The following MYO1D variants were observed in gnomAD, a reference collection of about 807,000 sequenced individuals.
MYO1D encodes unconventional myosin-Id.
In MYO1D, 83 loss-of-function variants were observed where a neutral mutation model predicts 122.0. The ratio of observed to expected loss-of-function variants is 0.68; its 90% CI spans 0.57 to 0.82. MYO1D has a LOEUF of 0.82. MYO1D is among the 40% of genes least tolerant of loss of function. The pLI, the probability that MYO1D is intolerant of heterozygous loss-of-function variation, is 0.00. For synonymous variants in MYO1D, 464 were observed against 446.9 expected (o/e 1.04, Z -0.48); for missense variants, 1,157 against 1,269.5 (o/e 0.91, Z 1.35).
At chr17:32,824,220 A>G (rs1217397604) in intron 1 of MYO1D, among the ~76,000 whole-genome samples, 1 of 152,228 alleles carries the variant, frequency 6.6e-6, no homozygotes, top group Non-Finnish European at 1.5e-5. Context: ...ATCAAATTAT[A>G]TGCTGAACAC....
intron 1 of MYO1D, among the ~76,000 whole-genome samples, chr17:32,829,310 C>A (rs1044290659): frequency 6.6e-6 from 1 of 152,190 alleles, no homozygotes; most frequent in Non-Finnish European, 1.5e-5. Context: ...AAGTCATTTT[C>A]AAGTGGTGGA....
intron 1 of MYO1D, among the ~76,000 whole-genome samples, chr17:32,784,442 T>C (rs924349021): frequency 6.6e-6 from 1 of 152,120 alleles, no homozygotes; most frequent in Non-Finnish European, 1.5e-5. Flanking sequence ...CTTTGCTCTG[T>C]TACCTTTTTT....
chr17:32,568,105 T>C (rs1397375496), intron 21 of MYO1D, among the ~76,000 whole-genome samples: 1 of 151,138 alleles, frequency 6.6e-6, no homozygotes, highest in African/African-American at 2.4e-5. Flanking sequence ...TCTGCAACAT[T>C]AAGTCCTTTT....
intron 21 of MYO1D, among the ~76,000 whole-genome samples, chr17:32,551,556 CCACACACACACACACA>C (rs56031542): frequency 6.7e-6 from 1 of 150,342 alleles, no homozygotes; most frequent in Admixed American, 6.6e-5. Context: ...CATCCCACTG[CCACACACACACACACA>C]CACACACACA....
intron 12 of MYO1D, among the ~76,000 whole-genome samples, chr17:32,747,697 C>T (rs1310590184): frequency 6.6e-6 from 1 of 151,914 alleles, no homozygotes. Flanking sequence ...ATTAGCCAGG[C>T]GTGGTGGTAT....
At chr17:32,659,061 T>C in intron 17 of MYO1D, 54 bp downstream of exon 17, 8 of 1,470,470 alleles carry the variant, frequency 5.4e-6, no homozygotes, top group Admixed American at 3.4e-5. Flanking sequence ...TGACTTTGCA[T>C]AGTATTAACT....
At chr17:32,830,858 G>C (rs189354635) in intron 1 of MYO1D, among the ~76,000 whole-genome samples, 1 of 152,164 alleles carries the variant, frequency 6.6e-6, no homozygotes, top group Admixed American at 6.5e-5. Context: ...AGGAGATGGA[G>C]ACCAACCTGT....
intron 21 of MYO1D, among the ~76,000 whole-genome samples, chr17:32,565,407 C>T (rs531301717): frequency 1.3e-5 from 2 of 152,286 alleles, no homozygotes; most frequent in Admixed American, 6.5e-5. Flanking sequence ...GATGCAGCTC[C>T]CACCTCCATC....
chr17:32,693,337 G>C (rs2089129103), intron 16 of MYO1D, among the ~76,000 whole-genome samples: 1 of 149,436 alleles, frequency 6.7e-6, no homozygotes, highest in Non-Finnish European at 1.5e-5. Context: ...TGGGTTATGA[G>C]TGACAAGTCT....
intron 21 of MYO1D, 114 bp from the exon 22 acceptor site, chr17:32,495,029 T>C: frequency 7.7e-7 from 1 of 1,300,406 alleles, no homozygotes. Flanking sequence ...CCTCCACAAG[T>C]GCCAGGAGGA....
intron 1 of MYO1D, among the ~76,000 whole-genome samples, chr17:32,840,540 A>G (rs2090870636): frequency 6.6e-6 from 1 of 152,200 alleles, no homozygotes; most frequent in African/African-American, 2.4e-5. Flanking sequence ...CACTGCTTGT[A>G]AAGAACTAAG....
intron 21 of MYO1D, among the ~76,000 whole-genome samples, chr17:32,547,075 A>ATT (rs71144837): frequency 0.031 from 4,563 of 148,108 alleles, 86 homozygotes; most frequent in Non-Finnish European, 0.046. Flanking sequence ...CTAATTAAAC[A>ATT]TTTTTTTTTT....
chr17:32,777,686 C>T (rs2090189128), intron 3 of MYO1D, among the ~76,000 whole-genome samples: 1 of 152,110 alleles, frequency 6.6e-6, no homozygotes, highest in Admixed American at 6.5e-5. Context: ...TGGCACATGC[C>T]TGTAATCCTA....
chr17:32,855,748 G>A (rs541456551), intron 1 of MYO1D, among the ~76,000 whole-genome samples: 2 of 152,214 alleles, frequency 1.3e-5, no homozygotes, highest in East Asian at 3.9e-4. Context: ...ATCAAAATAG[G>A]TCTGTAGAAG....
intron 1 of MYO1D, among the ~76,000 whole-genome samples, chr17:32,868,918 A>G (rs1420729824): frequency 6.6e-6 from 1 of 152,114 alleles, no homozygotes; most frequent in Non-Finnish European, 1.5e-5. Context: ...GTTCTATTCA[A>G]GAGATCTTGG....
chr17:32,778,374 T>C (rs2090200260), intron 3 of MYO1D, 106 bp downstream of exon 3: 3 of 969,344 alleles, frequency 3.1e-6, no homozygotes, highest in Non-Finnish European at 1.6e-6. Context: ...GCTCAGCCCA[T>C]AGGTTTAGAC....
chr17:32,746,576 G>A (rs566486548), intron 12 of MYO1D, among the ~76,000 whole-genome samples: 55 of 152,092 alleles, frequency 3.6e-4, no homozygotes, highest in African/African-American at 9.9e-4. Context: ...GTATATATGC[G>A]TGTTTTCATG....
Position 32,780,751 on chromosome 17 carries a change from T to A in MYO1D, c.129A>T (p.Gly43=). 1 of 1,614,174 alleles carries A rather than the reference T, an allele frequency of 6.2e-7. No individual in the cohort carries two copies. The highest frequency in any genetic ancestry group is 8.5e-7 in the Non-Finnish European group (1 of 1,180,042). Residue 43 remains glycine (G), a synonymous_variant, in exon 2 of 22, where the codon GGA becomes GGT. Coordinates refer to ENST00000318217, the MANE Select transcript of MYO1D (RefSeq NM_015194.3). ...FEKGRIYTFI[G]EVVVSVNPYK... ...AAGGGTTCACAGAAACGACGACTTC[T>A]CCAATGAACGTATAGATGCGCCCTT... is the stretch of plus-strand genomic sequence containing the variant.
chr17:32,516,261 A>G (rs1278757618), intron 21 of MYO1D, among the ~76,000 whole-genome samples: 1 of 152,236 alleles, frequency 6.6e-6, no homozygotes, highest in Non-Finnish European at 1.5e-5. Context: ...TTTCTGGCCT[A>G]TAATGAGAGA....
Sources: gnomAD v4.1 joint callset for allele counts (sites outside exome capture counted in the v4.1 genomes callset) on GRCh38, gnomAD v4.1.1 for gene constraint, MANE v1.5 for transcripts, NCBI Gene and HGNC (gene_info 2026-07-23, HGNC 2026-07-21) for gene names.